The following HPSE2 variants were observed in gnomAD, a reference collection of about 807,000 sequenced individuals.
The protein encoded by HPSE2 is heparanase 2 (inactive).
HPSE2 carries 38 observed loss-of-function variants against 60.5 expected under a neutral mutation model. The ratio of observed to expected loss-of-function variants is 0.63; its 90% CI spans 0.48 to 0.82. The LOEUF (loss-of-function observed/expected upper bound fraction) is 0.82, where lower values mean the gene tolerates loss of function less well. Ranked by LOEUF, HPSE2 falls within the 40% of genes least tolerant of loss-of-function variation. HPSE2 has a pLI of 0.00. For synonymous variants in HPSE2, 295 were observed against 293.2 expected, an observed-to-expected ratio of 1.01 and a Z score of -0.06; for missense variants, 713 against 740.4, an observed-to-expected ratio of 0.96 and a Z score of 0.43.
intron 3 of HPSE2, among the ~76,000 whole-genome samples, chr10:99,033,276 G>A (rs1420086812): frequency 6.6e-6 from 1 of 152,080 alleles, no homozygotes; most frequent in Non-Finnish European, 1.5e-5. Flanking sequence ...GAGATTATTT[G>A]TATTTTCTAA....
chr10:98,694,507 T>C (rs551924221), intron 5 of HPSE2, among the ~76,000 whole-genome samples: 1 of 152,332 alleles, frequency 6.6e-6, no homozygotes, highest in Non-Finnish European at 1.5e-5. Flanking sequence ...AAATCTATCA[T>C]CTACTTTTGG....
intron 3 of HPSE2, among the ~76,000 whole-genome samples, chr10:99,072,863 A>G (rs1177922451): frequency 4.5e-5 from 6 of 133,798 alleles, no homozygotes; most frequent in Non-Finnish European, 7.7e-5. Context: ...TGGGAGGTGG[A>G]GGTTGCAGTG....
At chr10:98,983,383 C>T (rs74514626) in intron 3 of HPSE2, among the ~76,000 whole-genome samples, 3,471 of 152,220 alleles carry the variant, frequency 0.023, 69 homozygotes, top group Admixed American at 0.053. Flanking sequence ...GCTGTCGCTG[C>T]AGAAAACCCT....
At chr10:99,228,956 G>A (rs990304655) in intron 2 of HPSE2, among the ~76,000 whole-genome samples, 1 of 151,936 alleles carries the variant, frequency 6.6e-6, no homozygotes, top group African/African-American at 2.4e-5. Context: ...GGGCAGATCA[G>A]TTGAGGTCAG....
At chr10:98,988,318 T>C (rs1226138480) in intron 3 of HPSE2, among the ~76,000 whole-genome samples, 52 of 152,246 alleles carry the variant, frequency 3.4e-4, no homozygotes, top group East Asian at 7.7e-4. Flanking sequence ...TGGAACAGAA[T>C]AGAGCCCTCA....
intron 9 of HPSE2, among the ~76,000 whole-genome samples, chr10:98,542,772 T>TA (rs1943516899): frequency 1.3e-5 from 2 of 151,726 alleles, no homozygotes; most frequent in Admixed American, 1.3e-4. Context: ...AAGGGAAGTT[T>TA]AGAGAAAAAA....
chr10:99,220,689 C>T (rs1189144796), intron 2 of HPSE2, among the ~76,000 whole-genome samples: 2 of 151,596 alleles, frequency 1.3e-5, no homozygotes, highest in Non-Finnish European at 2.9e-5. Flanking sequence ...TGTAGTCCCA[C>T]CTACTCCAGA....
At chr10:99,097,928 T>A (rs983208804) in intron 3 of HPSE2, among the ~76,000 whole-genome samples, 2 of 152,204 alleles carry the variant, frequency 1.3e-5, no homozygotes, top group African/African-American at 2.4e-5. Flanking sequence ...TGTCTCCTCA[T>A]GAAGTTGTCA....
intron 9 of HPSE2, among the ~76,000 whole-genome samples, chr10:98,611,191 G>C (rs1002293522): frequency 5.9e-5 from 9 of 152,244 alleles, no homozygotes; most frequent in Non-Finnish European, 1.0e-4. Flanking sequence ...CAGGAGGTGG[G>C]TGGCACTTTT....
intron 3 of HPSE2, among the ~76,000 whole-genome samples, chr10:98,795,071 G>GGAAGGAAGGAAGGAAGGAAA (rs1950749442): frequency 6.8e-6 from 1 of 147,666 alleles, no homozygotes; most frequent in Admixed American, 6.8e-5. Context: ...AAGGAAAGAA[G>GGAAGGAAGGAAGGAAGGAAA]GAAGGAAGGA....
chr10:99,040,382 C>A (rs143339143), intron 3 of HPSE2, among the ~76,000 whole-genome samples: 6 of 152,070 alleles, frequency 3.9e-5, no homozygotes, highest in Admixed American at 3.3e-4. Flanking sequence ...GAAATAGAGT[C>A]CTAGATTTAG....
chr10:99,033,127 T>A (rs1358895162), intron 3 of HPSE2, among the ~76,000 whole-genome samples: 1 of 152,138 alleles, frequency 6.6e-6, no homozygotes, highest in Admixed American at 6.6e-5. Flanking sequence ...CAAAAAGGTA[T>A]GTAGAAAACA....
At chr10:99,001,239 G>A (rs1956771013) in intron 3 of HPSE2, among the ~76,000 whole-genome samples, 1 of 151,986 alleles carries the variant, frequency 6.6e-6, no homozygotes, top group African/African-American at 2.4e-5. Flanking sequence ...CCACTATGAA[G>A]CCTTATGATT....
intron 6 of HPSE2, among the ~76,000 whole-genome samples, chr10:98,652,769 C>T (rs1946952167): frequency 6.6e-6 from 1 of 152,202 alleles, no homozygotes; most frequent in South Asian, 2.1e-4. Context: ...TAAAATGTGA[C>T]ATGGACTCTT....
intron 2 of HPSE2, among the ~76,000 whole-genome samples, chr10:99,226,519 G>A (rs925335887): frequency 5.9e-5 from 9 of 152,074 alleles, no homozygotes; most frequent in South Asian, 2.1e-4. Context: ...ATATTACATG[G>A]TGAAGTGCCC....
the HPSE2 span, among the ~76,000 whole-genome samples, chr10:99,302,094 G>A: frequency 1.3e-4 from 19 of 151,938 alleles, no homozygotes; most frequent in Non-Finnish European, 7.4e-5. Flanking sequence ...ACATGAGGGA[G>A]TAAAAAGGGT....
At chr10:98,773,235 A>AT (rs1950277324) in intron 3 of HPSE2, among the ~76,000 whole-genome samples, 1 of 152,144 alleles carries the variant, frequency 6.6e-6, no homozygotes, top group Non-Finnish European at 1.5e-5. Context: ...TTCTCCTATA[A>AT]TTTTTTAAAT....
At chr10:98,766,361 C>T (rs1950119203) in intron 3 of HPSE2, among the ~76,000 whole-genome samples, 1 of 152,142 alleles carries the variant, frequency 6.6e-6, no homozygotes, top group African/African-American at 2.4e-5. Context: ...CATCAGTAAA[C>T]ATTTAAGGAA....
rs1666237905 is a variant in HPSE2, at chr10:98,939,746, C to T, written c.611-195690G>A. 1.4e-5 allele frequency among the ~76,000 whole-genome samples: 2 copies of T among 144,208 alleles called. 1 individual carries two copies. The highest frequency in any genetic ancestry group is 5.6e-5 in the African/African-American group (2 of 35,582). The allele number at this position is 144,208 out of a possible 152,430, so 94.6% of individuals were successfully genotyped here. ...ACCAAGCAGACCTAATAGACATCCA[C>T]AGAACTCTCCAACACAAATCAACAA... On this transcript the variant is annotated intron_variant, in intron 3 of 11. Transcript: ENST00000370552.
Sources: gnomAD v4.1 joint callset for allele counts (sites outside exome capture counted in the v4.1 genomes callset) on GRCh38, gnomAD v4.1.1 for gene constraint, MANE v1.5 for transcripts, NCBI Gene and HGNC (gene_info 2026-07-23, HGNC 2026-07-21) for gene names.